The following MACROD2 variants were observed in gnomAD, a reference collection of about 807,000 sequenced individuals.
MACROD2 encodes mono-ADP ribosylhydrolase 2, also known as ADP-ribose glycohydrolase MACROD2.
In MACROD2, 36 loss-of-function variants were observed where a neutral mutation model predicts 70.4. That is an observed-to-expected ratio of 0.51 (90% confidence interval 0.39 to 0.68). The LOEUF (loss-of-function observed/expected upper bound fraction) is 0.68, where lower values mean the gene tolerates loss of function less well. MACROD2 is among the 30% of genes least tolerant of loss of function. MACROD2 has a pLI of 0.00. For missense variants in MACROD2, 496 were observed against 538.4 expected (o/e 0.92, Z 0.78); for synonymous variants, 172 against 178.8 (o/e 0.96, Z 0.30).
At chr20:15,045,729 T>G (rs997020960) in intron 5 of MACROD2, among the ~76,000 whole-genome samples, 7 of 145,490 alleles carry the variant, frequency 4.8e-5, no homozygotes, top group African/African-American at 1.8e-4. Flanking sequence ...GTTTTTTTTT[T>G]TTTTTTTTTT....
chr20:15,269,224 T>G (rs2077324003), intron 6 of MACROD2, among the ~76,000 whole-genome samples: 1 of 152,252 alleles, frequency 6.6e-6, no homozygotes, highest in Non-Finnish European at 1.5e-5. Context: ...AGGCTTCCCA[T>G]GACCCTTCCT....
intron 10 of MACROD2, among the ~76,000 whole-genome samples, chr20:15,911,426 C>T (rs2065236163): frequency 6.6e-6 from 1 of 152,140 alleles, no homozygotes; most frequent in Non-Finnish European, 1.5e-5. Context: ...AACAATGTTG[C>T]TGTAAATTCG....
chr20:14,475,008 T>C (rs1002436181), intron 3 of MACROD2, among the ~76,000 whole-genome samples: 1 of 152,036 alleles, frequency 6.6e-6, no homozygotes, highest in Admixed American at 6.6e-5. Context: ...TATTTTTTTT[T>C]CCAGTTGTTT....
intron 4 of MACROD2, among the ~76,000 whole-genome samples, chr20:14,615,307 G>A (rs565063840): frequency 6.6e-6 from 1 of 152,208 alleles, no homozygotes; most frequent in South Asian, 2.1e-4. Context: ...TCCCCGGATA[G>A]GGGAATAAGT....
At chr20:15,066,388 C>A (rs1350428039) in intron 5 of MACROD2, among the ~76,000 whole-genome samples, 2 of 151,906 alleles carry the variant, frequency 1.3e-5, no homozygotes, top group East Asian at 3.9e-4. Flanking sequence ...CCCACCTCGG[C>A]CTCCCAAACT....
chr20:14,711,882 C>T (rs969816827), intron 5 of MACROD2, among the ~76,000 whole-genome samples: 1 of 152,180 alleles, frequency 6.6e-6, no homozygotes, highest in Admixed American at 6.5e-5. Flanking sequence ...GTTTCTTTTT[C>T]ATTCTAATAG....
At chr20:15,062,959 G>C (rs1268656164) in intron 5 of MACROD2, among the ~76,000 whole-genome samples, 1 of 152,208 alleles carries the variant, frequency 6.6e-6, no homozygotes, top group Non-Finnish European at 1.5e-5. Flanking sequence ...GCTAAGATCT[G>C]TCTGCAGATG....
intron 3 of MACROD2, among the ~76,000 whole-genome samples, chr20:14,394,258 TCCA>T (rs1252704478): frequency 5.3e-5 from 8 of 152,208 alleles, no homozygotes; most frequent in Non-Finnish European, 1.0e-4. Context: ...GGAGTTGCTC[TCCA>T]TATATTTAGA....
chr20:14,000,320 C>CT (rs964369106), intron 1 of MACROD2, among the ~76,000 whole-genome samples: 66 of 148,946 alleles, frequency 4.4e-4, no homozygotes, highest in Admixed American at 1.3e-3. Flanking sequence ...ATTAAGATAC[C>CT]TTTTTTTTTT....
At chr20:14,521,865 T>C (rs112669725) in intron 4 of MACROD2, among the ~76,000 whole-genome samples, 9 of 152,216 alleles carry the variant, frequency 5.9e-5, no homozygotes, top group African/African-American at 1.9e-4. Flanking sequence ...TATATTGAAA[T>C]GACTAATATC....
intron 5 of MACROD2, among the ~76,000 whole-genome samples, chr20:15,154,175 A>T (rs1055287681): frequency 1.3e-5 from 2 of 152,190 alleles, no homozygotes; most frequent in African/African-American, 4.8e-5. Flanking sequence ...TTCAGCCCAA[A>T]GTAAATATCC....
chr20:16,023,045 T>A lies in MACROD2; in HGVS notation c.1154-18156T>A, dbSNP rs140482755. 3.2e-3 allele frequency among the ~76,000 whole-genome samples: 483 copies of A among 152,316 alleles called. 2 individuals are homozygous for A. Among genetic ancestry groups the A allele is most frequent in the African/African-American group, 9.6e-3 (401 of 41,580 alleles). On this transcript the variant is annotated intron_variant, in intron 15 of 17. Coordinates refer to ENST00000684519, the MANE Select transcript of MACROD2 (RefSeq NM_001351661.2). ...TATTTTTCTACTAATGATATCTTACTGAAATTAAGGTACCTTCCACTGTAA... is the reference window on the plus strand; with the variant it reads ...TATTTTTCTACTAATGATATCTTACAGAAATTAAGGTACCTTCCACTGTAA...
At chr20:14,887,641 G>C (rs2073696439) in intron 5 of MACROD2, among the ~76,000 whole-genome samples, 1 of 152,010 alleles carries the variant, frequency 6.6e-6, no homozygotes, top group South Asian at 2.1e-4. Flanking sequence ...ATCCACCTCA[G>C]CCTCCCAGAG....
Position 15,225,335 on chromosome 20 carries a change from C to T in MACROD2, c.419-4605C>T, listed in dbSNP as rs550082693. ...TTATAAGGACAGGGTAAATGGGATT[C>T]CAGAATATGGATTAATAAATCATAT... On this transcript the variant is annotated intron_variant, in intron 5 of 17. Transcript: ENST00000684519. Among the ~76,000 whole-genome samples the T allele has an allele frequency of 1.0e-3, 155 of 152,084 alleles. 1 individual carries two copies. Among genetic ancestry groups the T allele is most frequent in the South Asian group, 1.7e-3 (8 of 4,814 alleles).
At chr20:14,674,557 T>C (rs1418144662) in intron 4 of MACROD2, among the ~76,000 whole-genome samples, 2 of 152,190 alleles carry the variant, frequency 1.3e-5, no homozygotes, top group East Asian at 1.9e-4. Flanking sequence ...GAGATTTAAA[T>C]GGTGGCACTA....
At chr20:14,983,623 A>T (rs554807359) in intron 5 of MACROD2, among the ~76,000 whole-genome samples, 1 of 152,228 alleles carries the variant, frequency 6.6e-6, no homozygotes, top group East Asian at 1.9e-4. Context: ...ACCGTGTGAG[A>T]TGTGCCTTTC....
chr20:15,525,326 G>A (rs776444618), intron 8 of MACROD2, among the ~76,000 whole-genome samples: 25 of 152,200 alleles, frequency 1.6e-4, no homozygotes, highest in Middle Eastern at 3.4e-3. Context: ...TTTTTTCTTC[G>A]GTTCCCTACA....
At chr20:14,357,694 G>T (rs1055642579) in intron 3 of MACROD2, among the ~76,000 whole-genome samples, 1 of 152,156 alleles carries the variant, frequency 6.6e-6, no homozygotes, top group Non-Finnish European at 1.5e-5. Context: ...TAGAACTCTG[G>T]GTTGCAAACA....
Position 15,623,327 on chromosome 20 carries a change from A to C in MACROD2, c.645+123480A>C, listed in dbSNP as rs1440173769. 3.9e-5 allele frequency among the ~76,000 whole-genome samples: 6 copies of C among 152,266 alleles called. No homozygotes were observed. The East Asian group carries it at 1.2e-3, about 29-fold the overall frequency. ...TGAAACATATCCACCAAGTATGTCC[A>C]ATTTCTCTGATGACAGTGCTAACTT... is the stretch of plus-strand genomic sequence containing the variant. On this transcript the variant is annotated intron_variant, in intron 8 of 17. Coordinates refer to ENST00000684519, the MANE Select transcript of MACROD2 (RefSeq NM_001351661.2).
Sources: gnomAD v4.1 joint callset for allele counts (sites outside exome capture counted in the v4.1 genomes callset) on GRCh38, gnomAD v4.1.1 for gene constraint, MANE v1.5 for transcripts, NCBI Gene and HGNC (gene_info 2026-07-23, HGNC 2026-07-21) for gene names.